The following RASA3 variants were observed in gnomAD, a reference collection of about 807,000 sequenced individuals.
RASA3 encodes RAS p21 protein activator 3.
RASA3 carries 73 observed loss-of-function variants against 110.0 expected under a neutral mutation model. The ratio of observed to expected loss-of-function variants is 0.66; its 90% CI spans 0.55 to 0.81. The LOEUF (loss-of-function observed/expected upper bound fraction) is 0.81, where lower values mean the gene tolerates loss of function less well. RASA3 is among the 30% of genes least tolerant of loss of function. RASA3 has a pLI of 0.00. For missense variants in RASA3, 976 were observed against 1,113.2 expected (o/e 0.88, Z 1.75); for synonymous variants, 500 against 451.4 (o/e 1.11, Z -1.37).
intron 21 of RASA3, 114 bp downstream of exon 21, chr13:113,996,415 CCT>C: frequency 3.7e-6 from 4 of 1,093,262 alleles, no homozygotes; most frequent in Admixed American, 2.4e-5. Flanking sequence ...CGAGGGCAGC[CCT>C]GTTTATGTGC....
intron 1 of RASA3, among the ~76,000 whole-genome samples, chr13:114,093,050 G>A (rs1471717174): frequency 6.6e-6 from 1 of 152,152 alleles, no homozygotes; most frequent in Non-Finnish European, 1.5e-5. Context: ...AATTTTTGGT[G>A]TCACAATTTA....
intron 1 of RASA3, among the ~76,000 whole-genome samples, chr13:114,117,886 G>A (rs1429812174): frequency 6.6e-6 from 1 of 150,794 alleles, no homozygotes; most frequent in African/African-American, 2.4e-5. Context: ...CGTGTGTGAG[G>A]GGTGCACGTG....
At chr13:114,073,667 C>G in intron 2 of RASA3, 53 bp downstream of exon 2, 1 of 1,434,090 alleles carries the variant, frequency 7.0e-7, no homozygotes, top group Non-Finnish European at 9.8e-7. Flanking sequence ...TTGGGACATT[C>G]TCTACACCAA....
chr13:114,007,371 C>G (rs1165604818), intron 18 of RASA3, among the ~76,000 whole-genome samples, 162 bp downstream of exon 18: 3 of 40,314 alleles, frequency 7.4e-5, no homozygotes, highest in Admixed American at 4.3e-4. Context: ...CTGCCGGACG[C>G]CACCTTACCC....
intron 2 of RASA3, among the ~76,000 whole-genome samples, chr13:114,059,669 G>A (rs1430416615): frequency 6.6e-6 from 1 of 152,242 alleles, no homozygotes; most frequent in African/African-American, 2.4e-5. Context: ...CCACTGCCTG[G>A]CTTGGAGGTT....
rs71449051 is a variant in RASA3, at chr13:114,008,883, T to A, written c.1668+504A>T. On this transcript the variant is annotated intron_variant, in intron 17 of 23. Coordinates refer to ENST00000334062, the MANE Select transcript of RASA3 (RefSeq NM_007368.4). ...GACTGTGGGGAGGAGCAGAGCCCTG[T>A]GGTCTGGATGTTCCCCACGCACTGC... Among the ~76,000 whole-genome samples the A allele has an allele frequency of 3.8e-4, 7 of 18,508 alleles. 2 individuals are homozygous for A. Among genetic ancestry groups the A allele is most frequent in the African/African-American group, 3.0e-3 (6 of 1,982 alleles). 12.1% of individuals were successfully genotyped at this position (18,508 alleles called of 152,430 possible).
chr13:114,077,918 C>T, intron 1 of RASA3: 2 of 985,150 alleles, frequency 2.0e-6, no homozygotes, highest in Non-Finnish European at 1.2e-6. Context: ...GCCCATTTCC[C>T]TGCCTCAGGC....
chr13:114,113,684 G>A (rs1281458635), intron 1 of RASA3, among the ~76,000 whole-genome samples: 1 of 94,426 alleles, frequency 1.1e-5, no homozygotes, highest in Non-Finnish European at 2.1e-5. Flanking sequence ...AGTGATGTCC[G>A]TACAGCTCAC....
chr13:114,047,612 G>A (rs780581542), intron 3 of RASA3, among the ~76,000 whole-genome samples: 22 of 152,256 alleles, frequency 1.4e-4, no homozygotes, highest in Admixed American at 7.9e-4. Flanking sequence ...GAATGTTTAC[G>A]GTGACTTTAT....
intron 22 of RASA3, among the ~76,000 whole-genome samples, chr13:113,982,923 T>G (rs115717875): frequency 0.011 from 1,739 of 152,320 alleles, 24 homozygotes; most frequent in African/African-American, 0.04. Context: ...CTCAAGCTTC[T>G]CAGGCCTTCA....
rs1291980916 is a variant in RASA3 at position 114,014,362 on chromosome 13, G to A, written c.1405+847C>T. Among the ~76,000 whole-genome samples, 7 of 152,186 alleles carry A rather than the reference G, an allele frequency of 4.6e-5. No homozygotes were observed. The highest frequency in any genetic ancestry group is 2.0e-4 in the Admixed American group (3 of 15,278). ...CCCCAGAACCCTGGGCCCCTCGGCC[G>A]GCGCTGTCTGACTGTCTGATGTCCT... is the stretch of plus-strand genomic sequence containing the variant. On this transcript the variant is annotated intron_variant, in intron 14 of 23. Coordinates refer to ENST00000334062, the MANE Select transcript of RASA3 (RefSeq NM_007368.4). The surrounding 1 kb of genome is among the most constrained non-coding windows in gnomAD (Gnocchi z 4.5).
chr13:114,009,970 G>A lies in RASA3; in HGVS notation c.1591-506C>T, dbSNP rs562868386. Reference sequence around the variant, plus strand: ...TTTGCAGCCACCATTCCTGAGGCTCGACCCCAAGTTCCTGTTGTTTCCACA... The same window carrying A: ...TTTGCAGCCACCATTCCTGAGGCTCAACCCCAAGTTCCTGTTGTTTCCACA... On this transcript the variant is annotated intron_variant, in intron 16 of 23. Transcript: ENST00000334062. Among the ~76,000 whole-genome samples, 48 of 152,318 alleles carry A rather than the reference G, an allele frequency of 3.2e-4. 1 individual carries two copies. The South Asian group carries it at 7.3e-3, about 23-fold the overall frequency.
rs1266337784 is a variant in RASA3, at chr13:114,117,782, G to GAGCACGTGTGT, written c.55+14652_55+14653insACACACGTGCT. Among the ~76,000 whole-genome samples, 163 of 125,500 alleles carry GAGCACGTGTGT rather than the reference G, an allele frequency of 1.3e-3. 1 individual carries two copies. The highest frequency in any genetic ancestry group is 4.2e-3 in the African/African-American group (148 of 34,830). 82.3% of individuals were successfully genotyped at this position (125,500 alleles called of 152,430 possible). A position where few individuals can be genotyped will look rare whatever the true frequency, so the allele number is the denominator to read the frequency against. Reference sequence around the variant, plus strand: ...CACGTGTGTGAGAGCACGTGTGTGAGGAGAGCACGTGTGTGAGGGGTGCAT... The same window carrying GAGCACGTGTGT: ...CACGTGTGTGAGAGCACGTGTGTGAGAGCACGTGTGTGAGAGCACGTGTGTGAGGGGTGCAT... On this transcript the variant is annotated intron_variant, in intron 1 of 23. Transcript: ENST00000334062.
At chr13:114,028,653 G>GGT (rs146614404) in intron 5 of RASA3, among the ~76,000 whole-genome samples, 9 of 118,538 alleles carry the variant, frequency 7.6e-5, no homozygotes, top group East Asian at 2.7e-4. Context: ...GCATCATCCT[G>GGT]GGGCCAGGAC....
At chr13:114,073,859 C>T (rs745655681) in intron 1 of RASA3, 22 bp from the exon 2 acceptor site, 6 of 1,564,258 alleles carry the variant, frequency 3.8e-6, no homozygotes, top group Admixed American at 1.7e-5. Flanking sequence ...AAGCGACATA[C>T]ATCATCAGCA....
intron 12 of RASA3, 50 bp from the exon 13 acceptor site, chr13:114,016,321 G>A: frequency 7.2e-7 from 1 of 1,387,640 alleles, no homozygotes; most frequent in South Asian, 1.2e-5. Context: ...TGGGGGCACA[G>A]GCAGGGAGGG....
chr13:114,130,439 G>A (rs1211106896), intron 1 of RASA3, among the ~76,000 whole-genome samples: 4 of 152,208 alleles, frequency 2.6e-5, no homozygotes, highest in Non-Finnish European at 5.9e-5. Flanking sequence ...GCTGAGCCAG[G>A]GTTTCACTGG....
intron 1 of RASA3, among the ~76,000 whole-genome samples, chr13:114,120,697 G>A (rs2080365235): frequency 6.6e-6 from 1 of 152,242 alleles, no homozygotes; most frequent in Non-Finnish European, 1.5e-5. Flanking sequence ...GAAACTCCGT[G>A]TGACCCTGCC....
intron 2 of RASA3, 82 bp downstream of exon 2, chr13:114,073,638 G>T: frequency 8.9e-7 from 1 of 1,125,338 alleles, no homozygotes; most frequent in East Asian, 2.4e-5. Context: ...ATGGGAAAAT[G>T]GGAAGGTGAC....
Sources: gnomAD v4.1 joint callset for allele counts (sites outside exome capture counted in the v4.1 genomes callset) on GRCh38, gnomAD v4.1.1 for gene constraint, Gnocchi (gnomAD v3.1) non-coding constraint, MANE v1.5 for transcripts, NCBI Gene and HGNC (gene_info 2026-07-23, HGNC 2026-07-21) for gene names.